METTL25: variants seen among roughly 807,000 people sequenced by gnomAD.
The protein encoded by METTL25 is methyltransferase like 25.
METTL25 carries 64 observed loss-of-function variants against 71.6 expected under a neutral mutation model. That is an observed-to-expected ratio of 0.89 (90% CI 0.73 to 1.10). The LOEUF (loss-of-function observed/expected upper bound fraction) is 1.10, where lower values mean the gene tolerates loss of function less well. Among genes scored for constraint, METTL25 ranks in the 50% least tolerant of loss-of-function variants. The pLI is 0.00. For synonymous variants in METTL25, 287 were observed against 250.3 expected (o/e 1.15, Z -1.38); for missense variants, 807 against 707.0 (o/e 1.14, Z -1.60).
chr12:82,443,064 G>A (rs1048595766), intron 8 of METTL25, among the ~76,000 whole-genome samples: 1 of 151,712 alleles, frequency 6.6e-6, no homozygotes, highest in African/African-American at 2.4e-5. Context: ...GTGGAATACA[G>A]GGAATAGGTT....
At chr12:82,471,854 G>T (rs1892588536) in intron 9 of METTL25, among the ~76,000 whole-genome samples, 1 of 152,060 alleles carries the variant, frequency 6.6e-6, no homozygotes, top group African/African-American at 2.4e-5. Context: ...AGTCTCTTGG[G>T]TATCTTTTTA....
At chr12:82,383,785 A>G (rs991517875) in intron 1 of METTL25, among the ~76,000 whole-genome samples, 3 of 151,750 alleles carry the variant, frequency 2.0e-5, no homozygotes, top group African/African-American at 7.3e-5. Context: ...CTGCCTTGAG[A>G]TTTTTATAAT....
At chr12:82,445,285 A>G (rs1383631085) in intron 8 of METTL25, among the ~76,000 whole-genome samples, 1 of 152,174 alleles carries the variant, frequency 6.6e-6, no homozygotes, top group Non-Finnish European at 1.5e-5. Flanking sequence ...ATACAAATCT[A>G]TAATAAAAGT....
chr12:82,394,963 T>C (rs758858336), intron 3 of METTL25, among the ~76,000 whole-genome samples: 2 of 151,672 alleles, frequency 1.3e-5, no homozygotes, highest in Non-Finnish European at 2.9e-5. Context: ...GGAAGTCAGA[T>C]TGAACAAGCA....
chr12:82,368,115 CAG>C (rs1882779451), intron 1 of METTL25, among the ~76,000 whole-genome samples: 6 of 152,012 alleles, frequency 3.9e-5, no homozygotes, highest in Admixed American at 2.6e-4. Context: ...AGACTAGATG[CAG>C]AGTCAGAAGA....
At position 82,399,223 on chromosome 12, in the gene METTL25, T is replaced by A. The variant is rs200406987; in HGVS notation, c.960T>A (p.Ile320=). Residue 320 remains isoleucine, a synonymous_variant, in exon 4 of 12, where the codon ATT becomes ATA. Transcript: ENST00000248306. ...NSFSLINLLP[I]NAVEPTSSQQ... ...TTTCTCTTATAAACCTTTTGCCTATTAATGCTGTAGAGCCTACTTCTTCAC... is the reference window on the plus strand; with the variant it reads ...TTTCTCTTATAAACCTTTTGCCTATAAATGCTGTAGAGCCTACTTCTTCAC... 209 of 1,613,438 alleles carry A rather than the reference T, an allele frequency of 1.3e-4. 1 individual carries two copies. Among genetic ancestry groups the A allele is most frequent in the Non-Finnish European group, 1.5e-5 (18 of 1,179,670 alleles).
chr12:82,417,078 A>T (rs1018411592), intron 5 of METTL25, among the ~76,000 whole-genome samples: 3 of 152,132 alleles, frequency 2.0e-5, no homozygotes, highest in Non-Finnish European at 4.4e-5. Flanking sequence ...AATTCTTCAG[A>T]TACCCTTGAA....
At chr12:82,442,461 G>T (rs1442252943) in intron 8 of METTL25, among the ~76,000 whole-genome samples, 1 of 152,216 alleles carries the variant, frequency 6.6e-6, no homozygotes, top group East Asian at 1.9e-4. Flanking sequence ...TATACTGAAT[G>T]AACAGAAGCC....
chr12:82,398,952 A>G lies in METTL25; in HGVS notation c.689A>G (p.Gln230Arg). ...AAACATTGGAAACTCTGTCATGCTC[A>G]GTCAAGATTAGATGTCAATGGACTA... ...LKKHWKLCHA[Q>R]SRLDVNGLAL... Residue 230 changes from glutamine (Q) to arginine (R), a missense_variant, in exon 4 of 12, where the codon CAG becomes CGG. Physicochemically the swap from Gln to Arg is conservative, Grantham distance 43. Coordinates refer to ENST00000248306, the MANE Select transcript of METTL25 (RefSeq NM_032230.3). 1.9e-6 allele frequency: 3 copies of G among 1,611,450 alleles called. No homozygotes were observed. The highest frequency in any genetic ancestry group is 1.3e-5 in the African/African-American group (1 of 74,928).
At chr12:82,402,750 C>G (rs1484617702) in intron 4 of METTL25, among the ~76,000 whole-genome samples, 1 of 151,998 alleles carries the variant, frequency 6.6e-6, no homozygotes, top group Non-Finnish European at 1.5e-5. Flanking sequence ...ATCTTCAACT[C>G]ATGCTGTGGG....
intron 5 of METTL25, among the ~76,000 whole-genome samples, chr12:82,407,105 C>G (rs879779201): frequency 6.6e-6 from 1 of 152,114 alleles, no homozygotes; most frequent in Non-Finnish European, 1.5e-5. Context: ...TTTAAGATTA[C>G]TCCATAATCT....
At chr12:82,390,063 A>C (rs1329905504) in intron 3 of METTL25, 141 bp downstream of exon 3, 3 of 575,486 alleles carry the variant, frequency 5.2e-6, no homozygotes, top group Admixed American at 3.5e-5. Flanking sequence ...TCCTTTAAAC[A>C]TCAGATTCTT....
chr12:82,476,159 A>G (rs1892866883), intron 9 of METTL25: 1 of 152,740 alleles, frequency 6.5e-6, no homozygotes, highest in Non-Finnish European at 1.5e-5. Context: ...GAAAAAGAAG[A>G]AAAAGAAATA....
At chr12:82,415,064 A>T (rs2137074264) in intron 5 of METTL25, among the ~76,000 whole-genome samples, 1 of 152,266 alleles carries the variant, frequency 6.6e-6, no homozygotes, top group East Asian at 1.9e-4. Flanking sequence ...GAGAAACTCC[A>T]CTGGGAAGCT....
At chr12:82,423,892 T>G (rs1377105474) in intron 5 of METTL25, among the ~76,000 whole-genome samples, 5 of 152,022 alleles carry the variant, frequency 3.3e-5, no homozygotes, top group African/African-American at 9.7e-5. Context: ...AACAACAGGT[T>G]CTCGAGAGGA....
At chr12:82,405,499 TA>T in intron 5 of METTL25, among the ~76,000 whole-genome samples, 1 of 152,246 alleles carries the variant, frequency 6.6e-6, no homozygotes, top group East Asian at 1.9e-4. Context: ...ATCTCATACT[TA>T]AAAAAAGTAG....
intron 2 of METTL25, among the ~76,000 whole-genome samples, chr12:82,388,113 A>G (rs970869669): frequency 3.3e-5 from 5 of 151,948 alleles, no homozygotes. Context: ...TTTCCCCAAC[A>G]TTAGATTCAG....
chr12:82,398,658 GGTTT>G (rs1886296689), intron 3 of METTL25, 133 bp from the exon 4 acceptor site: 1 of 437,594 alleles, frequency 2.3e-6, no homozygotes, highest in Admixed American at 4.4e-5. Flanking sequence ...ATGAGTGGTT[GGTTT>G]TTCATAGGAA....
At chr12:82,453,833 C>T (rs867710027) in intron 8 of METTL25, among the ~76,000 whole-genome samples, 2 of 151,882 alleles carry the variant, frequency 1.3e-5, no homozygotes, top group African/African-American at 4.8e-5. Context: ...TTATTTAATT[C>T]ATTTATGGAG....
Sources: gnomAD v4.1 joint callset for allele counts (sites outside exome capture counted in the v4.1 genomes callset) on GRCh38, gnomAD v4.1.1 for gene constraint, MANE v1.5 for transcripts, NCBI Gene and HGNC (gene_info 2026-07-23, HGNC 2026-07-21) for gene names.